The following PDCD6IP variants were observed in gnomAD, a reference collection of about 807,000 sequenced individuals.
The protein encoded by PDCD6IP is programmed cell death 6-interacting protein.
In PDCD6IP, 43 loss-of-function variants were observed where a neutral mutation model predicts 103.7. The observed-to-expected ratio is 0.41, with a 90% CI of 0.32 to 0.53. The LOEUF is 0.53. PDCD6IP is among the 20% of genes least tolerant of loss of function. PDCD6IP has a pLI of 0.16. For missense variants in PDCD6IP, 871 were observed against 1,036.7 expected (o/e 0.84, Z 2.20); for synonymous variants, 354 against 378.7 (o/e 0.93, Z 0.76).
intron 3 of PDCD6IP, among the ~76,000 whole-genome samples, chr3:33,819,394 A>G (rs894284761): frequency 1.3e-5 from 2 of 152,116 alleles, no homozygotes; most frequent in South Asian, 4.1e-4. Context: ...TATGACTGGA[A>G]TTGTCTTTAT....
chr3:33,865,944 T>A (rs1176470191), intron 17 of PDCD6IP, among the ~76,000 whole-genome samples: 1 of 152,220 alleles, frequency 6.6e-6, no homozygotes, highest in African/African-American at 2.4e-5. Context: ...AGTAAGTACA[T>A]GTTGTCTGCC....
chr3:33,853,169 T>C (rs557786877), intron 13 of PDCD6IP, among the ~76,000 whole-genome samples: 3 of 152,294 alleles, frequency 2.0e-5, no homozygotes, highest in African/African-American at 7.2e-5. Context: ...GTGATCCTCC[T>C]GCCTTGGCCT....
intron 12 of PDCD6IP, among the ~76,000 whole-genome samples, chr3:33,846,270 A>ATACT (rs1260503417): frequency 6.6e-6 from 1 of 152,210 alleles, no homozygotes; most frequent in African/African-American, 2.4e-5. Context: ...TGGGATAGTA[A>ATACT]GTTTTGAAAA....
intron 9 of PDCD6IP, among the ~76,000 whole-genome samples, chr3:33,840,891 A>C (rs1697452828): frequency 6.6e-6 from 1 of 152,250 alleles, no homozygotes. Flanking sequence ...ATGCTGTAAC[A>C]ATCAAAAGTA....
chr3:33,850,286 A>G (rs1697685310), intron 12 of PDCD6IP, among the ~76,000 whole-genome samples: 1 of 152,074 alleles, frequency 6.6e-6, no homozygotes, highest in African/African-American at 2.4e-5. Flanking sequence ...TTTCTATGTA[A>G]TTACATTTTT....
chr3:33,826,305 A>G (rs1544036), intron 5 of PDCD6IP, among the ~76,000 whole-genome samples, 175 bp from the exon 6 acceptor site: 20,835 of 151,972 alleles, frequency 0.14, 1,866 homozygotes, highest in East Asian at 0.39. Context: ...CCTTTCCCCC[A>G]CTGCTGGCAA....
chr3:33,798,989 C>G (rs1696401082), intron 1 of PDCD6IP, 52 bp downstream of exon 1: 1 of 1,415,128 alleles, frequency 7.1e-7, no homozygotes, highest in East Asian at 2.5e-5. Context: ...TCGCTCGCCG[C>G]TCCTCTTCCC....
At chr3:33,830,684 T>C (rs1259433401) in intron 7 of PDCD6IP, among the ~76,000 whole-genome samples, 2 of 152,106 alleles carry the variant, frequency 1.3e-5, no homozygotes, top group African/African-American at 4.8e-5. Flanking sequence ...GAGGCCAGCC[T>C]GGACAATATA....
In PDCD6IP at chr3:33,825,346, T is replaced by TC; in HGVS notation, c.616+8dup. The TC allele has an allele frequency of 1.3e-6, 2 of 1,584,592 alleles. No homozygotes were observed. Among genetic ancestry groups the TC allele is most frequent in the Non-Finnish European group, 1.7e-6 (2 of 1,171,876 alleles). ...TTTTTTAAAAGCCACAAGAGGTAAC[T>TC]CCAATTTATCTTTTTGTTGCATGTG... On this transcript the variant is annotated splice_region_variant and intron_variant, in intron 5 of 17. Coordinates refer to ENST00000307296, the MANE Select transcript of PDCD6IP (RefSeq NM_013374.6).
At chr3:33,863,961 AT>A (rs773985160) in intron 15 of PDCD6IP, 44 bp from the exon 16 acceptor site, 4 of 1,330,532 alleles carry the variant, frequency 3.0e-6, no homozygotes, top group Non-Finnish European at 3.2e-6. Flanking sequence ...ATGTGTGTTA[AT>A]TTTTTTCTAT....
intron 12 of PDCD6IP, among the ~76,000 whole-genome samples, chr3:33,849,134 A>G (rs1478435188): frequency 6.6e-6 from 1 of 152,216 alleles, no homozygotes; most frequent in Non-Finnish European, 1.5e-5. Flanking sequence ...GATCTGAAAG[A>G]CAAAGTATTG....
intron 3 of PDCD6IP, among the ~76,000 whole-genome samples, chr3:33,820,243 A>G (rs142983848): frequency 4.7e-4 from 72 of 152,244 alleles, no homozygotes; most frequent in African/African-American, 1.5e-3. Context: ...TGATTGCACT[A>G]GTGCACTCCA....
chr3:33,849,994 A>T (rs115570287), intron 12 of PDCD6IP, among the ~76,000 whole-genome samples: 4 of 152,238 alleles, frequency 2.6e-5, no homozygotes, highest in African/African-American at 9.6e-5. Context: ...TAACTATTTG[A>T]CCCTCTCTGT....
chr3:33,855,892 ATT>A (rs1196260268), intron 15 of PDCD6IP, among the ~76,000 whole-genome samples: 2 of 152,204 alleles, frequency 1.3e-5, no homozygotes, highest in Non-Finnish European at 2.9e-5. Flanking sequence ...GGAGGCAATC[ATT>A]CTAAGGCCGG....
intron 3 of PDCD6IP, among the ~76,000 whole-genome samples, chr3:33,818,094 CTTG>C (rs1696896810): frequency 1.3e-5 from 1 of 77,968 alleles, no homozygotes; most frequent in Admixed American, 1.4e-4. Flanking sequence ...ATATTTCATT[CTTG>C]TTTTTTTTTT....
At chr3:33,834,365 C>G (rs895495016) in intron 7 of PDCD6IP, among the ~76,000 whole-genome samples, 9 of 152,282 alleles carry the variant, frequency 5.9e-5, no homozygotes, top group Non-Finnish European at 1.2e-4. Flanking sequence ...TATAGCGTAC[C>G]TACGGTTCTG....
chr3:33,817,793 C>A (rs974044449), intron 3 of PDCD6IP, among the ~76,000 whole-genome samples: 11 of 150,548 alleles, frequency 7.3e-5, no homozygotes, highest in Admixed American at 7.3e-4. Flanking sequence ...TAAAAGAGAG[C>A]AAGTAAGAAA....
intron 12 of PDCD6IP, among the ~76,000 whole-genome samples, chr3:33,848,231 C>G (rs536608035): frequency 1.3e-5 from 2 of 152,254 alleles, no homozygotes; most frequent in South Asian, 4.2e-4. Flanking sequence ...TGCTGAGTAC[C>G]TTGGTCCCTA....
chr3:33,847,980 T>A (rs181086983), intron 12 of PDCD6IP, among the ~76,000 whole-genome samples: 1,689 of 146,488 alleles, frequency 0.012, 23 homozygotes, highest in African/African-American at 0.039. Context: ...GGGGTACCTT[T>A]AAAAAAAAAA....
Sources: allele counts gnomAD v4.1 joint callset (sites outside exome capture counted in the v4.1 genomes callset), GRCh38; gene constraint gnomAD v4.1.1; transcripts MANE v1.5; gene names NCBI Gene and HGNC (gene_info 2026-07-23, HGNC 2026-07-21).